LRP1B: variants seen among roughly 807,000 people sequenced by gnomAD.
LRP1B encodes LDL receptor related protein 1B.
Under a neutral mutation model 556.6 loss-of-function variants are expected in LRP1B, and 217 were observed. The observed-to-expected ratio is 0.39, with a 90% CI of 0.35 to 0.44. The LOEUF (loss-of-function observed/expected upper bound fraction) is 0.44, where lower values mean the gene tolerates loss of function less well. Ranked by LOEUF, LRP1B falls within the 20% of genes least tolerant of loss-of-function variation. The probability of loss-of-function intolerance (pLI) is 1.00; values close to 1 mark genes in which losing one functional copy is unlikely to be tolerated. For synonymous variants in LRP1B, 2,047 were observed against 1,865.8 expected (o/e 1.10, Z -2.50); for missense variants, 5,053 against 5,620.8 (o/e 0.90, Z 3.23).
At chr2:141,753,499 T>C (rs1217021665) in intron 2 of LRP1B, among the ~76,000 whole-genome samples, 1 of 151,820 alleles carries the variant, frequency 6.6e-6, no homozygotes, top group African/African-American at 2.4e-5. Context: ...GGCTGGCCAT[T>C]GCTTATTAGG....
intron 2 of LRP1B, among the ~76,000 whole-genome samples, chr2:141,778,866 C>T (rs1009036447): frequency 1.3e-5 from 2 of 152,162 alleles, no homozygotes; most frequent in East Asian, 3.9e-4. Flanking sequence ...TATAAGAATG[C>T]TTTCGCTGTT....
At chr2:140,323,812 G>A (rs1680300719) in intron 81 of LRP1B, 81 bp downstream of exon 81, 2 of 702,280 alleles carry the variant, frequency 2.8e-6, no homozygotes, top group Non-Finnish European at 4.5e-6. Context: ...ACATAGTTAA[G>A]ATATTTAAAA....
chr2:141,727,796 T>C (rs970710315), intron 2 of LRP1B, among the ~76,000 whole-genome samples: 1 of 152,072 alleles, frequency 6.6e-6, no homozygotes, highest in African/African-American at 2.4e-5. Flanking sequence ...ATAAAATCTA[T>C]CTATATATCA....
intron 43 of LRP1B, among the ~76,000 whole-genome samples, chr2:140,595,096 A>ATATC (rs1682381989): frequency 1.5e-4 from 7 of 46,214 alleles, no homozygotes; most frequent in African/African-American, 4.1e-4. Context: ...GAATATATAT[A>ATATC]TATATATATA....
intron 1 of LRP1B, among the ~76,000 whole-genome samples, chr2:142,016,035 C>T (rs1020526778): frequency 8.2e-6 from 1 of 122,604 alleles, no homozygotes; most frequent in African/African-American, 3.0e-5. Context: ...GATGAACAGA[C>T]ACTTCTCAAA....
intron 7 of LRP1B, among the ~76,000 whole-genome samples, chr2:141,108,657 T>C (rs1225637781): frequency 1.3e-5 from 2 of 152,002 alleles, no homozygotes; most frequent in African/African-American, 4.8e-5. Flanking sequence ...GCCAAAAATG[T>C]GTTTATAATC....
At chr2:140,960,978 G>A (rs1294853246) in intron 18 of LRP1B, among the ~76,000 whole-genome samples, 1 of 151,906 alleles carries the variant, frequency 6.6e-6, no homozygotes, top group East Asian at 1.9e-4. Context: ...GAACAAAGGA[G>A]AGGGTAGTAC....
chr2:141,229,443 G>A lies in LRP1B; in HGVS notation c.593-3C>T. The A allele has an allele frequency of 6.5e-7, 1 of 1,529,142 alleles. No individual in the cohort carries two copies. The highest frequency in any genetic ancestry group is 8.9e-7 in the Non-Finnish European group (1 of 1,121,706). The allele number at this position is 1,529,142 out of a possible 1,614,324, so 94.7% of individuals were successfully genotyped here. On this transcript the variant is annotated splice_region_variant and splice_polypyrimidine_tract_variant and intron_variant, in intron 5 of 90. Transcript: ENST00000389484. ...TATAGGTGGTCTATCTGTAGGTTCT[G>A]GAATAAAATAGAAAAAGAGAAGTAA...
At chr2:141,825,682 C>T (rs949292820) in intron 1 of LRP1B, among the ~76,000 whole-genome samples, 6 of 152,050 alleles carry the variant, frequency 3.9e-5, no homozygotes, top group African/African-American at 1.4e-4. Flanking sequence ...CCAAACATAA[C>T]CATAAGAAAC....
At chr2:142,107,790 G>A (rs976049539) in intron 1 of LRP1B, among the ~76,000 whole-genome samples, 8 of 123,688 alleles carry the variant, frequency 6.5e-5, no homozygotes, top group Non-Finnish European at 1.7e-5. Context: ...ACCACGCCTA[G>A]CTAATTTTTT....
In LRP1B at chr2:141,049,228, G is replaced by A. The variant is rs2105446380; in HGVS notation, c.1553-6C>T. 1 of 1,576,354 alleles carries A rather than the reference G, an allele frequency of 6.3e-7. No homozygotes were observed. Among genetic ancestry groups the A allele is most frequent in the Non-Finnish European group, 8.7e-7 (1 of 1,146,070 alleles). ...GAACAACTCATTCTTTGGTCCTGCA[G>A]AGGAAAGATTACAAACACAAACAAC... On this transcript the variant is annotated splice_polypyrimidine_tract_variant and splice_region_variant and intron_variant, in intron 10 of 90. Transcript: ENST00000389484.
chr2:140,907,055 A>G (rs2105230088), intron 22 of LRP1B, among the ~76,000 whole-genome samples: 1 of 151,746 alleles, frequency 6.6e-6, no homozygotes, highest in Non-Finnish European at 1.5e-5. Context: ...TTTGGGCTTC[A>G]ATGTAGTTGT....
intron 2 of LRP1B, among the ~76,000 whole-genome samples, chr2:141,638,190 GA>G (rs1007183332): frequency 2.6e-5 from 4 of 151,510 alleles, no homozygotes; most frequent in Non-Finnish European, 2.9e-5. Context: ...TTGTCTCAAA[GA>G]AAAAAAACTA....
chr2:140,475,954 T>C lies in LRP1B; in HGVS notation c.9426-617A>G, dbSNP rs1270512005. ...GCATAAATATGGAGCACTTCCATTA[T>C]CACAGAAAGTTCTACTGGACAGCAG... On this transcript the variant is annotated intron_variant, in intron 59 of 90. Transcript: ENST00000389484. 2.6e-5 allele frequency among the ~76,000 whole-genome samples: 4 copies of C among 152,022 alleles called. No homozygotes were observed. In the South Asian group the frequency reaches 6.2e-4, roughly 24 times the overall value.
rs554463722 is a variant in LRP1B at position 140,683,803 on chromosome 2, G to A, written c.6799+16447C>T. The stretch of plus-strand genomic sequence containing the variant: ...GTCAGCTGTAGCAAAGCCAGCCTCC[G>A]GGCTAGGGGATGCCTTCCATGCGCT... On this transcript the variant is annotated intron_variant, in intron 41 of 90. Coordinates refer to ENST00000389484, the MANE Select transcript of LRP1B (RefSeq NM_018557.3). 3.5e-5 allele frequency: 28 copies of A among 789,416 alleles called. No individual in the cohort carries two copies. The African/African-American group carries it at 4.5e-4, about 13-fold the overall frequency. 48.9% of individuals were successfully genotyped at this position (789,416 alleles called of 1,614,324 possible).
At chr2:141,057,706 C>T (rs1450631169) in intron 9 of LRP1B, among the ~76,000 whole-genome samples, 2 of 151,882 alleles carry the variant, frequency 1.3e-5, no homozygotes, top group African/African-American at 4.8e-5. Context: ...GAGGTTTCCC[C>T]AGCCATGTGG....
intron 1 of LRP1B, among the ~76,000 whole-genome samples, chr2:142,107,120 A>G (rs1462062887): frequency 6.6e-6 from 1 of 152,188 alleles, no homozygotes; most frequent in East Asian, 1.9e-4. Context: ...ATTTCACAAT[A>G]TAAAAATTGA....
At chr2:141,835,794 A>G (rs993311880) in intron 1 of LRP1B, among the ~76,000 whole-genome samples, 1 of 151,908 alleles carries the variant, frequency 6.6e-6, no homozygotes, top group Non-Finnish European at 1.5e-5. Flanking sequence ...AGTGGTAAGT[A>G]GTGAGGTATA....
chr2:140,934,341 G>A lies in LRP1B; in HGVS notation c.3137-11194C>T, dbSNP rs1695140154. Among the ~76,000 whole-genome samples, 2 of 152,064 alleles carry A rather than the reference G, an allele frequency of 1.3e-5. 1 individual carries two copies. Among genetic ancestry groups the A allele is most frequent in the South Asian group, 4.1e-4 (2 of 4,834 alleles). On this transcript the variant is annotated intron_variant, in intron 20 of 90. Coordinates refer to ENST00000389484, the MANE Select transcript of LRP1B (RefSeq NM_018557.3). The stretch of plus-strand genomic sequence containing the variant: ...AACAGCAGTTGTTTTTGCACTATGT[G>A]TTTGTCTTGGTAAATATGAATTGAA...
Sources: gnomAD v4.1 joint callset for allele counts (sites outside exome capture counted in the v4.1 genomes callset) on GRCh38, gnomAD v4.1.1 for gene constraint, MANE v1.5 for transcripts, NCBI Gene and HGNC (gene_info 2026-07-23, HGNC 2026-07-21) for gene names.